Variants in PRKG1 observed in about 807,000 individuals in gnomAD.
PRKG1 encodes cGMP-dependent protein kinase 1.
Under a neutral mutation model 88.1 loss-of-function variants are expected in PRKG1, and 35 were observed. The observed-to-expected ratio is 0.40, with a 90% CI of 0.30 to 0.53. PRKG1 has a LOEUF of 0.53. Ranked by LOEUF, PRKG1 falls within the 20% of genes least tolerant of loss-of-function variation. PRKG1 has a pLI of 0.59. For synonymous variants in PRKG1, 303 were observed against 292.5 expected (o/e 1.04, Z -0.37); for missense variants, 540 against 839.8 (o/e 0.64, Z 4.41).
chr10:51,257,281 T>C (rs1041266747), intron 2 of PRKG1, among the ~76,000 whole-genome samples: 2 of 151,960 alleles, frequency 1.3e-5, no homozygotes, highest in African/African-American at 4.8e-5. Flanking sequence ...TGCAAATGCA[T>C]TTTAAGTTTA....
At chr10:52,147,627 G>T (rs757297079) in intron 8 of PRKG1, among the ~76,000 whole-genome samples, 7 of 152,128 alleles carry the variant, frequency 4.6e-5, no homozygotes, top group Non-Finnish European at 7.4e-5. Flanking sequence ...GAAAGAGTAG[G>T]GTGGGAGAGA....
chr10:52,248,254 A>T (rs545582723), intron 9 of PRKG1, among the ~76,000 whole-genome samples: 4 of 152,354 alleles, frequency 2.6e-5, no homozygotes, highest in African/African-American at 9.6e-5. Flanking sequence ...GTTTATGGCC[A>T]GTCTTCGGGC....
chr10:52,003,613 T>G (rs140954448), intron 5 of PRKG1, among the ~76,000 whole-genome samples: 2 of 152,176 alleles, frequency 1.3e-5, no homozygotes. Context: ...CTGATGCTGG[T>G]CAGACTCTCA....
intron 1 of PRKG1, among the ~76,000 whole-genome samples, chr10:51,091,398 C>A (rs574460754): frequency 6.6e-6 from 1 of 152,262 alleles, no homozygotes; most frequent in Admixed American, 6.5e-5. Flanking sequence ...ACTCCCAGGA[C>A]CTGGCAACCA....
At chr10:51,738,319 A>T (rs566368467) in intron 3 of PRKG1, among the ~76,000 whole-genome samples, 1 of 152,238 alleles carries the variant, frequency 6.6e-6, no homozygotes, top group South Asian at 2.1e-4. Context: ...CGTTTGTAGG[A>T]TCCATGTCTA....
intron 3 of PRKG1, among the ~76,000 whole-genome samples, chr10:51,535,925 A>G (rs1049809093): frequency 3.3e-5 from 5 of 151,876 alleles, no homozygotes; most frequent in African/African-American, 1.2e-4. Flanking sequence ...GTTTCACCAT[A>G]TTGGTCAGGC....
At chr10:51,657,811 T>C (rs192989148) in intron 3 of PRKG1, among the ~76,000 whole-genome samples, 250 of 152,272 alleles carry the variant, frequency 1.6e-3, no homozygotes, top group Middle Eastern at 0.01. Context: ...AGAGACTTCC[T>C]GGTGAGATTT....
intron 3 of PRKG1, among the ~76,000 whole-genome samples, chr10:51,644,172 T>C (rs191936569): frequency 4.7e-4 from 72 of 152,288 alleles, no homozygotes; most frequent in African/African-American, 1.2e-3. Context: ...TATCTCCAAA[T>C]TTATGACATA....
At chr10:51,208,111 A>T (rs912597592) in intron 2 of PRKG1, among the ~76,000 whole-genome samples, 1 of 152,184 alleles carries the variant, frequency 6.6e-6, no homozygotes, top group Non-Finnish European at 1.5e-5. Flanking sequence ...TAGGTAAAAA[A>T]TAGTTTAAAT....
intron 3 of PRKG1, chr10:51,699,049 T>C (rs372037359): frequency 1.9e-5 from 31 of 1,614,066 alleles, no homozygotes; most frequent in Non-Finnish European, 2.3e-5. Flanking sequence ...CATAAGCCAG[T>C]TGTGGATTTT....
chr10:51,017,993 A>G lies in PRKG1; in HGVS notation c.266+26349A>G, dbSNP rs1294200055. ...CCACATTAAGCTAATTATTATTATTATTATTTTTTAGGTAGAGACAGTTTC... is the reference window on the plus strand; with the variant it reads ...CCACATTAAGCTAATTATTATTATTGTTATTTTTTAGGTAGAGACAGTTTC... On this transcript the variant is annotated intron_variant, in intron 1 of 17. Transcript: ENST00000401604. 9.2e-5 allele frequency among the ~76,000 whole-genome samples: 14 copies of G among 151,528 alleles called. No individual in the cohort carries two copies. The South Asian group carries it at 2.9e-3, about 32-fold the overall frequency.
At chr10:51,929,725 T>C (rs924767802) in intron 5 of PRKG1, among the ~76,000 whole-genome samples, 6 of 152,202 alleles carry the variant, frequency 3.9e-5, no homozygotes, top group Non-Finnish European at 5.9e-5. Flanking sequence ...AATATGTTTA[T>C]GAGAATTAAC....
intron 2 of PRKG1, among the ~76,000 whole-genome samples, chr10:51,333,569 T>C (rs1412357741): frequency 6.6e-6 from 1 of 152,166 alleles, no homozygotes; most frequent in Non-Finnish European, 1.5e-5. Context: ...GTGTAGAACA[T>C]AGCGAGGTGC....
intron 2 of PRKG1, among the ~76,000 whole-genome samples, chr10:51,437,482 C>A (rs10997549): frequency 0.26 from 39,379 of 151,796 alleles, 5,830 homozygotes; most frequent in Non-Finnish European, 0.34. Flanking sequence ...GTGTAGGTCC[C>A]TATCTTTCCA....
intron 3 of PRKG1, among the ~76,000 whole-genome samples, chr10:51,706,381 T>C (rs1841604461): frequency 1.3e-5 from 2 of 152,198 alleles, no homozygotes; most frequent in South Asian, 2.1e-4. Flanking sequence ...CATTTACTTA[T>C]ACACAGGATG....
intron 3 of PRKG1, among the ~76,000 whole-genome samples, chr10:51,689,239 A>ACTATTTATCTATCTATCTAT (rs1841075222): frequency 6.7e-6 from 1 of 150,220 alleles, no homozygotes; most frequent in African/African-American, 2.5e-5. Flanking sequence ...AAATCTATCT[A>ACTATTTATCTATCTATCTAT]CTATCTATCT....
chr10:52,005,674 T>C (rs1844715929), intron 5 of PRKG1, among the ~76,000 whole-genome samples: 1 of 152,110 alleles, frequency 6.6e-6, no homozygotes, highest in Non-Finnish European at 1.5e-5. Context: ...GCCCAGTGGT[T>C]CTACTTCTGC....
chr10:51,219,449 C>T (rs1041900129), intron 2 of PRKG1, among the ~76,000 whole-genome samples: 4 of 152,110 alleles, frequency 2.6e-5, no homozygotes, highest in African/African-American at 4.8e-5. Flanking sequence ...GTGGCTCACA[C>T]CTGTAATCCC....
intron 2 of PRKG1, among the ~76,000 whole-genome samples, chr10:51,254,160 T>C (rs1181956177): frequency 6.6e-6 from 1 of 151,966 alleles, no homozygotes; most frequent in Non-Finnish European, 1.5e-5. Flanking sequence ...AAAGAAATTT[T>C]ATAGTTGAAG....
Sources: allele counts gnomAD v4.1 joint callset (sites outside exome capture counted in the v4.1 genomes callset), GRCh38; gene constraint gnomAD v4.1.1; transcripts MANE v1.5; gene names NCBI Gene and HGNC (gene_info 2026-07-23, HGNC 2026-07-21).